Variants in AXL observed in about 807,000 individuals in gnomAD.
The protein encoded by AXL is AXL receptor tyrosine kinase.
A neutral mutation model predicts 104.5 loss-of-function variants in AXL; 52 were observed. The ratio of observed to expected loss-of-function variants is 0.50; its 90% CI spans 0.40 to 0.63. AXL has a LOEUF of 0.63. AXL is among the 20% of genes least tolerant of loss of function. AXL has a pLI of 0.00. For missense variants in AXL, 1,024 were observed against 1,188.5 expected (o/e 0.86, Z 2.04); for synonymous variants, 455 against 473.7 (o/e 0.96, Z 0.51).
intron 3 of AXL, chr19:41,221,662 G>A (rs2033793106): frequency 1.8e-6 from 1 of 564,908 alleles, no homozygotes; most frequent in East Asian, 3.1e-5. Context: ...AGAGACATGA[G>A]GAGCTCAGCT....
intron 4 of AXL, among the ~76,000 whole-genome samples, chr19:41,222,918 A>G (rs952525348): frequency 2.9e-4 from 44 of 150,942 alleles, no homozygotes; most frequent in African/African-American, 1.0e-3. Flanking sequence ...AAGAAAAAAA[A>G]AAAAAAAGAA....
At chr19:41,238,723 T>C in intron 8 of AXL, 114 bp downstream of exon 8, 1 of 1,377,968 alleles carries the variant, frequency 7.3e-7, no homozygotes, top group Non-Finnish European at 9.7e-7. Flanking sequence ...GCTCTATGCC[T>C]AGGGGGCACA....
At chr19:41,245,821 GCCAGGGCC>G (rs1030921922) in intron 12 of AXL, among the ~76,000 whole-genome samples, 2 of 151,624 alleles carry the variant, frequency 1.3e-5, no homozygotes, top group African/African-American at 4.8e-5. Flanking sequence ...CGAGAAAGCC[GCCAGGGCC>G]CCAGGGGGAT....
At position 41,219,481 on chromosome 19, in the gene AXL, A is replaced by T; in HGVS notation, c.85+4A>T. Reference sequence around the variant, plus strand: ...TGGGCGTGCATGGCCCCCAGGGGTGAGTGATGGGGGCTCCTTGGGGCAGGG... The same window carrying T: ...TGGGCGTGCATGGCCCCCAGGGGTGTGTGATGGGGGCTCCTTGGGGCAGGG... On this transcript the variant is annotated splice_donor_region_variant and intron_variant, in intron 1 of 19. Transcript: ENST00000301178. The T allele has an allele frequency of 6.8e-7, 1 of 1,476,834 alleles. No individual in the cohort carries two copies. Among genetic ancestry groups the T allele is most frequent in the Non-Finnish European group, 9.1e-7 (1 of 1,101,436 alleles). 91.5% of individuals were successfully genotyped at this position (1,476,834 alleles called of 1,614,324 possible).
At chr19:41,231,367 T>C in intron 6 of AXL, 69 bp downstream of exon 6, 2 of 1,390,748 alleles carry the variant, frequency 1.4e-6, no homozygotes, top group Non-Finnish European at 2.0e-6. Context: ...ACCCCCATCC[T>C]CTCCCTGGGA....
At chr19:41,239,560 G>T (rs113708073) in intron 9 of AXL, 134 bp from the exon 10 acceptor site, 14 of 1,224,594 alleles carry the variant, frequency 1.1e-5, no homozygotes, top group Middle Eastern at 1.9e-4. Flanking sequence ...TCCCTTACCC[G>T]TGCCAAACCT....
rs200936572 is a variant in AXL at position 41,238,098 on chromosome 19, G to A, written c.938G>A (p.Ser313Asn). The change falls in exon 7 of 20, where the codon AGC becomes AAC. Residue 313 changes from serine to asparagine, a missense_variant. By Grantham distance (46) the Ser-to-Asn change is conservative. Coordinates refer to ENST00000301178, the MANE Select transcript of AXL (RefSeq NM_021913.5). ...TATCACATCCGCGTGGCATGCACCA[G>A]CAGCCAGGGCCCCTCATCCTGGACC... ...TPYHIRVACT[S>N]SQGPSSWTHW... The A allele has an allele frequency of 1.9e-6, 3 of 1,614,012 alleles. No homozygotes were observed. The East Asian group carries it at 6.7e-5, about 36-fold the overall frequency.
chr19:41,239,464 C>G, intron 9 of AXL, 150 bp downstream of exon 9: 1 of 1,223,762 alleles, frequency 8.2e-7, no homozygotes, highest in Non-Finnish European at 1.1e-6. Context: ...TTACCCATGC[C>G]AACCCCTCAC....
At chr19:41,243,808 A>G in intron 12 of AXL, 101 bp downstream of exon 12, 1 of 936,884 alleles carries the variant, frequency 1.1e-6, no homozygotes, top group South Asian at 1.4e-5. Context: ...AAGTTTCTAA[A>G]GGCCTTGGGA....
At chr19:41,243,948 G>A (rs1483001365) in intron 12 of AXL, 6 of 447,248 alleles carry the variant, frequency 1.3e-5, no homozygotes, top group South Asian at 3.4e-5. Context: ...GCTCATGCCT[G>A]TAATCCTAGC....
Position 41,220,693 on chromosome 19 carries a change from G to C in AXL, c.143G>C (p.Arg48Pro), listed in dbSNP as rs200598880. ...AACCCAGGGAATATCACAGGTGCCCGGGGACTCACGGGCACCCTTCGGTGT... is the reference window on the plus strand; with the variant it reads ...AACCCAGGGAATATCACAGGTGCCCCGGGACTCACGGGCACCCTTCGGTGT... The part of the protein sequence containing the change: ...VGNPGNITGA[R>P]GLTGTLRCQL... Residue 48 changes from arginine (R) to proline (P), a missense_variant, in exon 2 of 20, where the codon CGG (arginine) becomes CCG (proline). This residue lies in a region of AXL where 124 missense variants were observed against 115.5 expected (regional missense o/e 1.07). Transcript: ENST00000301178. The C allele has an allele frequency of 6.2e-7, 1 of 1,611,924 alleles. No homozygotes were observed. The highest frequency in any genetic ancestry group is 8.5e-7 in the Non-Finnish European group (1 of 1,179,062).
At position 41,253,726 on chromosome 19, in the gene AXL, ACCCCC is replaced by A. The variant is rs68001077; in HGVS notation, c.2036+26_2036+30del. The stretch of plus-strand genomic sequence containing the variant: ...AACTGCATGTGAGTGCCTTTCAGGG[ACCCCC>A]CCCCCCCAACTGCTCCTGCACTCCC... On this transcript the variant is annotated intron_variant, in intron 17 of 19. Transcript: ENST00000301178. 4 of 1,382,902 alleles carry A rather than the reference ACCCCC, an allele frequency of 2.9e-6. No homozygotes were observed. Among genetic ancestry groups the A allele is most frequent in the Non-Finnish European group, 3.0e-6 (3 of 1,015,922 alleles). The allele number at this position is 1,382,902 out of a possible 1,614,324, so 85.7% of individuals were successfully genotyped here.
intron 6 of AXL, 85 bp downstream of exon 6, chr19:41,231,383 C>T (rs2033986532): frequency 2.4e-6 from 3 of 1,265,166 alleles, no homozygotes; most frequent in African/African-American, 3.0e-5. Context: ...TGGGAACCCA[C>T]CACTTCTCGG....
At chr19:41,240,376 G>GTGGATGGATGGA (rs34483903) in intron 10 of AXL, among the ~76,000 whole-genome samples, 2 of 149,308 alleles carry the variant, frequency 1.3e-5, no homozygotes, top group African/African-American at 2.5e-5. Flanking sequence ...GGGTAGATGG[G>GTGGATGGATGGA]TGGATGGATG....
At chr19:41,235,439 T>C (rs2034063941) in intron 6 of AXL, among the ~76,000 whole-genome samples, 1 of 152,086 alleles carries the variant, frequency 6.6e-6, no homozygotes, top group Non-Finnish European at 1.5e-5. Flanking sequence ...ACAAGCAGTC[T>C]TCTAAATGCT....
In AXL at chr19:41,259,939, C is replaced by T; in HGVS notation, c.*35C>T. 1.3e-6 allele frequency: 2 copies of T among 1,502,894 alleles called. No homozygotes were observed. Among genetic ancestry groups the T allele is most frequent in the Non-Finnish European group, 8.9e-7 (1 of 1,119,540 alleles). 93.1% of individuals were successfully genotyped at this position (1,502,894 alleles called of 1,614,324 possible). ...CCACCTGGTACTCCCTCTCAGGATC[C>T]AAGCTAAGCACTGCCACTGGGGAAA... On this transcript the variant is annotated 3_prime_UTR_variant, in exon 20 of 20. Transcript: ENST00000301178.
At position 41,238,157 on chromosome 19, in the gene AXL, A is replaced by G; in HGVS notation, c.994+3A>G. The G allele has an allele frequency of 6.2e-7, 1 of 1,613,902 alleles. No individual in the cohort carries two copies. Among genetic ancestry groups the G allele is most frequent in the Non-Finnish European group, 8.5e-7 (1 of 1,179,942 alleles). The stretch of plus-strand genomic sequence containing the variant: ...TCCTGTGGAGACGCCGGAGGGAGGT[A>G]AGAAGGGTTGGGGAGGGACACGTCA... On this transcript the variant is annotated splice_donor_region_variant and intron_variant, in intron 7 of 19. Coordinates refer to ENST00000301178, the MANE Select transcript of AXL (RefSeq NM_021913.5).
At chr19:41,229,297 T>G (rs983883629) in intron 4 of AXL, among the ~76,000 whole-genome samples, 1 of 151,486 alleles carries the variant, frequency 6.6e-6, no homozygotes, top group Non-Finnish European at 1.5e-5. Context: ...AGGGTCTCAC[T>G]CTGTCACCCA....
intron 10 of AXL, 34 bp downstream of exon 10, chr19:41,239,754 T>C: frequency 6.2e-7 from 1 of 1,612,918 alleles, no homozygotes. Context: ...CCTCCTTCCC[T>C]ACCCTCAACA....
Sources: allele counts gnomAD v4.1 joint callset (sites outside exome capture counted in the v4.1 genomes callset), GRCh38; gene constraint gnomAD v4.1.1; regional missense constraint gnomAD v4.1.1; transcripts MANE v1.5; gene names NCBI Gene and HGNC (gene_info 2026-07-23, HGNC 2026-07-21).